Variants in CUL5 observed in about 807,000 individuals in gnomAD.
CUL5 encodes cullin-5.
A neutral mutation model predicts 108.8 loss-of-function variants in CUL5; 26 were observed. The observed-to-expected ratio is 0.24, with a 90% confidence interval of 0.18 to 0.33. CUL5 has a LOEUF of 0.33. Ranked by LOEUF, CUL5 falls within the 10% of genes least tolerant of loss-of-function variation. The pLI is 1.00. For missense variants in CUL5, 524 were observed against 909.2 expected (o/e 0.58, Z 5.45); for synonymous variants, 334 against 298.0 (o/e 1.12, Z -1.25).
intron 1 of CUL5, among the ~76,000 whole-genome samples, chr11:108,019,575 G>T (rs561305208): frequency 6.6e-6 from 1 of 152,246 alleles, no homozygotes; most frequent in East Asian, 1.9e-4. Context: ...AATGTTTATT[G>T]TAGCCCTTGT....
chr11:108,088,447 T>C, intron 11 of CUL5, 80 bp from the exon 12 acceptor site: 1 of 1,397,756 alleles, frequency 7.2e-7, no homozygotes, highest in African/African-American at 1.4e-5. Flanking sequence ...AGAAATTCGC[T>C]TGTGAATCAT....
intron 13 of CUL5, among the ~76,000 whole-genome samples, chr11:108,093,602 G>C (rs1864411691): frequency 6.6e-6 from 1 of 152,180 alleles, no homozygotes; most frequent in South Asian, 2.1e-4. Flanking sequence ...AGTCATGTGG[G>C]TTTATTACTG....
chr11:108,054,527 A>T (rs1285444893), intron 5 of CUL5, 120 bp from the exon 6 acceptor site: 1 of 639,528 alleles, frequency 1.6e-6, no homozygotes, highest in Non-Finnish European at 2.6e-6. Flanking sequence ...ATATAATTAT[A>T]TGTTCTCTTG....
chr11:108,079,499 G>C (rs2135202241), intron 11 of CUL5, among the ~76,000 whole-genome samples: 1 of 152,230 alleles, frequency 6.6e-6, no homozygotes, highest in South Asian at 2.1e-4. Flanking sequence ...ACATTCGTCA[G>C]TCAACTTTTT....
chr11:108,013,773 A>G (rs1862113922), intron 1 of CUL5, among the ~76,000 whole-genome samples: 1 of 152,194 alleles, frequency 6.6e-6, no homozygotes, highest in African/African-American at 2.4e-5. Context: ...GCAGTGATTC[A>G]GAGTGTCTAT....
At chr11:108,085,500 T>C (rs965083867) in intron 11 of CUL5, among the ~76,000 whole-genome samples, 1 of 152,190 alleles carries the variant, frequency 6.6e-6, no homozygotes, top group Non-Finnish European at 1.5e-5. Context: ...TAGAAATAGA[T>C]AGCGGTGATG....
At chr11:108,064,362 C>T (rs751001359) in intron 7 of CUL5, among the ~76,000 whole-genome samples, 19 of 152,166 alleles carry the variant, frequency 1.2e-4, no homozygotes, top group South Asian at 4.1e-4. Context: ...CTTGCATCCA[C>T]GGATAAATCC....
At chr11:108,098,688 C>G (rs1023641870) in intron 18 of CUL5, among the ~76,000 whole-genome samples, 159 bp downstream of exon 18, 5 of 150,374 alleles carry the variant, frequency 3.3e-5, no homozygotes, top group African/African-American at 1.2e-4. Flanking sequence ...GGCAGGATTT[C>G]TTGGGCAACA....
chr11:108,048,897 C>T (rs1194728788), intron 3 of CUL5, among the ~76,000 whole-genome samples: 2 of 151,866 alleles, frequency 1.3e-5, no homozygotes, highest in African/African-American at 4.8e-5. Flanking sequence ...AAACTCATGA[C>T]CTCGTGATCT....
At chr11:108,078,110 A>T in intron 10 of CUL5, 66 bp from the exon 11 acceptor site, 1 of 892,490 alleles carries the variant, frequency 1.1e-6, no homozygotes, top group Non-Finnish European at 1.7e-6. Context: ...GTGTTTTGGG[A>T]TGTATAAAAA....
At chr11:108,040,414 C>T (rs1862865925) in intron 2 of CUL5, among the ~76,000 whole-genome samples, 1 of 152,116 alleles carries the variant, frequency 6.6e-6, no homozygotes, top group South Asian at 2.1e-4. Flanking sequence ...GAGTTCGATA[C>T]CACCCTGGTC....
intron 4 of CUL5, among the ~76,000 whole-genome samples, chr11:108,050,420 G>A (rs1433384493): frequency 6.6e-6 from 1 of 150,936 alleles, no homozygotes. Flanking sequence ...AGGCTGGAGT[G>A]TGCAGTGGCG....
chr11:108,009,222 C>T lies in CUL5; in HGVS notation c.-127C>T, dbSNP rs1861994260. 3 of 953,230 alleles carry T rather than the reference C, an allele frequency of 3.1e-6. No homozygotes were observed. The highest frequency in any genetic ancestry group is 1.6e-5 in the African/African-American group (1 of 61,380). 59.0% of individuals were successfully genotyped at this position (953,230 alleles called of 1,614,324 possible). On this transcript the variant is annotated 5_prime_UTR_variant, in exon 1 of 19. Transcript: ENST00000393094. Reference sequence around the variant, plus strand: ...CAGCGCTGTCGGCGCGCTGCTCCAGCGCCCACCACACCCTGGTGCGGGCCG... The same window carrying T: ...CAGCGCTGTCGGCGCGCTGCTCCAGTGCCCACCACACCCTGGTGCGGGCCG...
At chr11:108,020,932 T>C (rs1454295433) in intron 1 of CUL5, among the ~76,000 whole-genome samples, 2 of 152,322 alleles carry the variant, frequency 1.3e-5, no homozygotes, top group East Asian at 3.9e-4. Context: ...GCTCCATTCA[T>C]GGTGAGTGCC....
At chr11:108,068,779 C>G (rs1863753340) in intron 7 of CUL5, among the ~76,000 whole-genome samples, 1 of 152,054 alleles carries the variant, frequency 6.6e-6, no homozygotes, top group Non-Finnish European at 1.5e-5. Context: ...TATCTTCTGC[C>G]TCATTTAGAT....
Position 108,094,445 on chromosome 11 carries a change from A to C in CUL5, c.1498A>C (p.Ile500Leu). 3 of 1,577,850 alleles carry C rather than the reference A, an allele frequency of 1.9e-6. No individual in the cohort carries two copies. The highest frequency in any genetic ancestry group is 2.6e-6 in the Non-Finnish European group (3 of 1,159,122). ...CAAGCTTGCTAGAATGTTTCAGGAC[A>C]TAAAAGTATCTGAAGATTTGAACCA... ...VNKLARMFQD[I>L]KVSEDLNQAF... is the part of the protein sequence containing the mutation. Residue 500 changes from isoleucine to leucine, a missense_variant, in exon 14 of 19, where the codon ATA becomes CTA. Coordinates refer to ENST00000393094, the MANE Select transcript of CUL5 (RefSeq NM_003478.6).
chr11:108,013,820 G>T (rs963973195), intron 1 of CUL5, among the ~76,000 whole-genome samples: 1 of 152,102 alleles, frequency 6.6e-6, no homozygotes, highest in Non-Finnish European at 1.5e-5. Context: ...TGTAATCCCA[G>T]CACTTTGGGA....
intron 18 of CUL5, 44 bp downstream of exon 18, chr11:108,098,573 G>GTTTTT: frequency 7.5e-6 from 8 of 1,062,908 alleles, no homozygotes; most frequent in Admixed American, 3.9e-5. Flanking sequence ...AAAAACTTTA[G>GTTTTT]TTTTTTTTTT....
At position 108,106,239 on chromosome 11, in the gene CUL5, A is replaced by G. The variant is rs181559771; in HGVS notation, c.*1855A>G. 2.6e-5 allele frequency: 4 copies of G among 152,712 alleles called. No homozygotes were observed. The East Asian group carries it at 7.7e-4, about 29-fold the overall frequency. 9.5% of individuals were successfully genotyped at this position (152,712 alleles called of 1,614,324 possible). ...AGCATTGGCGTATTTGCTTGTCCCA[A>G]TACAAGAATGCCAAAGGAGGAAACA... On this transcript the variant is annotated 3_prime_UTR_variant, in exon 19 of 19. Coordinates refer to ENST00000393094, the MANE Select transcript of CUL5 (RefSeq NM_003478.6).
Sources: gnomAD v4.1 joint callset for allele counts (sites outside exome capture counted in the v4.1 genomes callset) on GRCh38, gnomAD v4.1.1 for gene constraint, MANE v1.5 for transcripts, NCBI Gene and HGNC (gene_info 2026-07-23, HGNC 2026-07-21) for gene names.